Variants in XRN1 observed in about 807,000 individuals in gnomAD.
XRN1 encodes 5'-3' exoribonuclease 1.
In XRN1, 67 loss-of-function variants were observed where a neutral mutation model predicts 222.3. The observed-to-expected ratio is 0.30, with a 90% confidence interval of 0.25 to 0.37. The LOEUF is 0.37. Among genes scored for constraint, XRN1 ranks in the 10% least tolerant of loss-of-function variants. The pLI, the probability that XRN1 is intolerant of heterozygous loss-of-function variation, is 1.00. For missense variants in XRN1, 1,707 were observed against 2,000.2 expected (o/e 0.85, Z 2.80); for synonymous variants, 643 against 652.4 (o/e 0.99, Z 0.22).
intron 37 of XRN1, among the ~76,000 whole-genome samples, chr3:142,323,633 G>C (rs2065427108): frequency 6.6e-6 from 1 of 152,144 alleles, no homozygotes; most frequent in Non-Finnish European, 1.5e-5. Flanking sequence ...GTATTAAGCA[G>C]ACAGGAGAAT....
At chr3:142,328,706 TATATATATATATA>T (rs2065595034) in intron 37 of XRN1, among the ~76,000 whole-genome samples, 1 of 1,758 alleles carries the variant, frequency 5.7e-4, no homozygotes, top group Non-Finnish European at 4.5e-3. Flanking sequence ...TGTAATATTA[TATATATATATATA>T]TATATATATA....
intron 3 of XRN1, 139 bp downstream of exon 3, chr3:142,426,605 A>AGTG: frequency 1.3e-6 from 1 of 741,928 alleles, no homozygotes; most frequent in Non-Finnish European, 2.1e-6. Context: ...TCGTCTCATG[A>AGTG]GCAAACATAA....
At chr3:142,344,974 C>T (rs1006844082) in intron 33 of XRN1, among the ~76,000 whole-genome samples, 2 of 152,156 alleles carry the variant, frequency 1.3e-5, no homozygotes, top group African/African-American at 2.4e-5. Flanking sequence ...AAAGAGGGCT[C>T]AAACTTCCTG....
At chr3:142,441,438 C>T (rs2070209729) in intron 1 of XRN1, among the ~76,000 whole-genome samples, 1 of 152,146 alleles carries the variant, frequency 6.6e-6, no homozygotes, top group Non-Finnish European at 1.5e-5. Context: ...CTTTATATAT[C>T]ACAAAAAAAC....
chr3:142,335,450 G>C lies in XRN1; in HGVS notation c.3937C>G (p.Gln1313Glu). 6.2e-7 allele frequency: 1 copy of C among 1,613,752 alleles called. No individual in the cohort carries two copies. Among genetic ancestry groups the C allele is most frequent in the Non-Finnish European group, 8.5e-7 (1 of 1,179,792 alleles). ...ECWSQKMSNK[Q>E]PNSGIENFLA... Reference sequence around the variant, plus strand: ...AATTTGATTTTAAGGAAGCTTACCTGCTTATTGGACATTTTTTGGGACCAA... The same window carrying C: ...AATTTGATTTTAAGGAAGCTTACCTCCTTATTGGACATTTTTTGGGACCAA... Residue 1313 changes from glutamine to glutamate, a missense_variant and splice_region_variant, in exon 34 of 41, where the codon CAG becomes GAG. By Grantham distance (29) the Gln-to-Glu change is conservative (BLOSUM62 2). Around this residue, in one of 2 missense-constraint regions of XRN1, gnomAD observed 473 missense variants for 482.0 expected, o/e 0.98. Transcript: ENST00000392981.
chr3:142,391,736 TAAA>T lies in XRN1; in HGVS notation c.2339+5590_2339+5592del, dbSNP rs201046497. Among the ~76,000 whole-genome samples, 1,051 of 122,116 alleles carry T rather than the reference TAAA, an allele frequency of 8.6e-3. 6 individuals are homozygous for T. The highest frequency in any genetic ancestry group is 0.019 in the African/African-American group (606 of 32,240). The allele number at this position is 122,116 out of a possible 152,430, so 80.1% of individuals were successfully genotyped here. A position where few individuals can be genotyped will look rare whatever the true frequency, so the allele number is the denominator to read the frequency against. ...GTGACATAGTAAGACCCCGTCTCAC[TAAA>T]AAAAAAAAAAATATATATATATATA... On this transcript the variant is annotated intron_variant, in intron 20 of 40. Coordinates refer to ENST00000392981, the MANE Select transcript of XRN1 (RefSeq NM_001282857.2).
chr3:142,425,563 T>G (rs1364603275), intron 3 of XRN1, 25 bp from the exon 4 acceptor site: 2 of 1,569,976 alleles, frequency 1.3e-6, no homozygotes, highest in African/African-American at 2.7e-5. Context: ...TTAAAAAGGT[T>G]AATCTAAGAA....
intron 15 of XRN1, among the ~76,000 whole-genome samples, chr3:142,407,412 C>T (rs1204278078): frequency 6.6e-6 from 1 of 152,192 alleles, no homozygotes; most frequent in African/African-American, 2.4e-5. Flanking sequence ...TCACTGCAAC[C>T]TCCACCTCCT....
intron 3 of XRN1, 90 bp from the exon 4 acceptor site, chr3:142,425,628 C>T (rs1350685680): frequency 8.5e-6 from 9 of 1,056,742 alleles, no homozygotes; most frequent in Middle Eastern, 3.0e-4. Flanking sequence ...CTGAGTACGC[C>T]GGGAATAGCT....
At chr3:142,365,398 T>TA (rs1559820074) in intron 27 of XRN1, 32 bp from the exon 28 acceptor site, 1 of 1,467,820 alleles carries the variant, frequency 6.8e-7, no homozygotes, top group Admixed American at 2.0e-5. Context: ...TAAATATTTT[T>TA]AAAATATAAA....
chr3:142,346,404 A>T (rs2066144121), intron 33 of XRN1, among the ~76,000 whole-genome samples: 1 of 152,154 alleles, frequency 6.6e-6, no homozygotes, highest in South Asian at 2.1e-4. Context: ...AATGCTGTGT[A>T]AATAGTTGTC....
At position 142,400,512 on chromosome 3, in the gene XRN1, T is replaced by G. The variant is rs913446133; in HGVS notation, c.2139A>C (p.Lys713Asn). ...GGTGAGGCCAATTAACAAAGACAGA[T>G]TTTCCAAGCACTGATGAAGCTACAT... The part of the protein sequence containing the change: ...VENVASSVLG[K>N]SVFVNWPHLE... The change falls in exon 19 of 41, where the codon AAA becomes AAC. Residue 713 changes from lysine (K) to asparagine (N), a missense_variant. Lys to Asn is a moderately conservative substitution (Grantham distance 94). Transcript: ENST00000392981. 3.7e-6 allele frequency: 6 copies of G among 1,611,834 alleles called. No homozygotes were observed. Among genetic ancestry groups the G allele is most frequent in the Non-Finnish European group, 5.1e-6 (6 of 1,178,910 alleles).
chr3:142,397,390 C>A lies in XRN1; in HGVS notation c.2278G>T (p.Val760Phe), dbSNP rs768586247. Residue 760 changes from valine to phenylalanine, a missense_variant, in exon 20 of 41, where the codon GTT (valine) becomes TTT (phenylalanine). Val to Phe is a conservative substitution (Grantham distance 50). This residue lies in a region of XRN1 where 1,234 missense variants were observed against 1,518.2 expected (regional missense o/e 0.81). Transcript: ENST00000392981. ...SGRTAPPSKV[V>F]HLGDKEQSNW... ...GATTGTTCTTTATCTCCAAGATGAA[C>A]CACTTTAGATGGTGGGGCAGTTCTT... The A allele has an allele frequency of 6.2e-7, 1 of 1,609,506 alleles. No individual in the cohort carries two copies. The highest frequency in any genetic ancestry group is 1.3e-5 in the African/African-American group (1 of 74,958).
At chr3:142,336,778 C>T (rs778724725) in intron 33 of XRN1, among the ~76,000 whole-genome samples, 5 of 152,104 alleles carry the variant, frequency 3.3e-5, no homozygotes, top group Non-Finnish European at 7.4e-5. Context: ...CTAACTGGAA[C>T]TCCACATAAC....
At chr3:142,413,385 A>C (rs2068661166) in intron 14 of XRN1, among the ~76,000 whole-genome samples, 1 of 152,206 alleles carries the variant, frequency 6.6e-6, no homozygotes, top group Admixed American at 6.5e-5. Context: ...GGGAAAAAAC[A>C]ATCAAAGAAA....
In XRN1 at chr3:142,427,054, G is replaced by A. The variant is rs555448879; in HGVS notation, c.309-213C>T. Reference sequence around the variant, plus strand: ...TAAAGAATTGAATTTTTCAGGCCAGGTGCAGTGGCTCATGCCTGTAATCTC... The same window carrying A: ...TAAAGAATTGAATTTTTCAGGCCAGATGCAGTGGCTCATGCCTGTAATCTC... On this transcript the variant is annotated intron_variant, in intron 2 of 40. Coordinates refer to ENST00000392981, the MANE Select transcript of XRN1 (RefSeq NM_001282857.2). 2.6e-5 allele frequency among the ~76,000 whole-genome samples: 4 copies of A among 152,266 alleles called. No individual in the cohort carries two copies. The South Asian group carries it at 8.3e-4, about 32-fold the overall frequency.
At chr3:142,432,140 AAT>A (rs950332450) in intron 2 of XRN1, among the ~76,000 whole-genome samples, 1 of 116,698 alleles carries the variant, frequency 8.6e-6, no homozygotes, top group African/African-American at 4.6e-5. Context: ...ATATATATAA[AAT>A]ATATAATATA....
At chr3:142,335,546 G>A in intron 33 of XRN1, 37 bp from the exon 34 acceptor site, 1 of 1,548,556 alleles carries the variant, frequency 6.5e-7, no homozygotes, top group South Asian at 1.1e-5. Context: ...ATAAATGGAA[G>A]TGTTTACTGC....
Position 142,308,656 on chromosome 3 carries a change from A to G in XRN1, c.*2855T>C, listed in dbSNP as rs2107834893. On this transcript the variant is annotated 3_prime_UTR_variant, in exon 41 of 41. Coordinates refer to ENST00000392981, the MANE Select transcript of XRN1 (RefSeq NM_001282857.2). Reference sequence around the variant, plus strand: ...ATGCAGGAAAATGTGAAAAGGAACGAGACTGGAAGGAGCAATCTTCAAAAT... The same window carrying G: ...ATGCAGGAAAATGTGAAAAGGAACGGGACTGGAAGGAGCAATCTTCAAAAT... 1 of 152,322 alleles carries G rather than the reference A, an allele frequency of 6.6e-6. No homozygotes were observed. Among genetic ancestry groups the G allele is most frequent in the South Asian group, 2.1e-4 (1 of 4,824 alleles). 9.4% of individuals were successfully genotyped at this position (152,322 alleles called of 1,614,324 possible).
Sources: gnomAD v4.1 joint callset for allele counts (sites outside exome capture counted in the v4.1 genomes callset) on GRCh38, gnomAD v4.1.1 for gene constraint, gnomAD v4.1.1 regional missense constraint, MANE v1.5 for transcripts, NCBI Gene and HGNC (gene_info 2026-07-23, HGNC 2026-07-21) for gene names.